The following PDSS1 variants were observed in gnomAD, a reference collection of about 807,000 sequenced individuals.
The protein encoded by PDSS1 is decaprenyl diphosphate synthase subunit 1.
Under a neutral mutation model 57.5 loss-of-function variants are expected in PDSS1, and 43 were observed. The ratio of observed to expected loss-of-function variants is 0.75; its 90% CI spans 0.59 to 0.96. The LOEUF (loss-of-function observed/expected upper bound fraction) is 0.96, where lower values mean the gene tolerates loss of function less well. PDSS1 is among the 50% of genes least tolerant of loss of function. The pLI is 0.00. For synonymous variants in PDSS1, 175 were observed against 191.3 expected (o/e 0.91, Z 0.70); for missense variants, 438 against 527.8 (o/e 0.83, Z 1.67).
chr10:26,742,689 G>C, intron 11 of PDSS1, 112 bp downstream of exon 11: 1 of 721,100 alleles, frequency 1.4e-6, no homozygotes, highest in South Asian at 1.5e-5. Context: ...AGACTGTTTG[G>C]TCAACTCTTG....
intron 4 of PDSS1, among the ~76,000 whole-genome samples, chr10:26,705,771 A>C (rs1835192022): frequency 6.6e-6 from 1 of 152,204 alleles, no homozygotes. Flanking sequence ...GCAGGTTTTC[A>C]GATCTGTACA....
At chr10:26,732,287 C>G (rs1261057608) in intron 8 of PDSS1, among the ~76,000 whole-genome samples, 1 of 152,186 alleles carries the variant, frequency 6.6e-6, no homozygotes, top group African/African-American at 2.4e-5. Flanking sequence ...GGAAGCAGGA[C>G]TCTCTGGCAT....
At chr10:26,745,957 ATTCT>A (rs1203789872) in intron 11 of PDSS1, among the ~76,000 whole-genome samples, 1 of 152,148 alleles carries the variant, frequency 6.6e-6, no homozygotes, top group Middle Eastern at 3.4e-3. Context: ...TTATGTCTTT[ATTCT>A]TTATTTTTTA....
chr10:26,723,050 C>A (rs1026240724), intron 6 of PDSS1, among the ~76,000 whole-genome samples: 7 of 152,062 alleles, frequency 4.6e-5, no homozygotes, highest in African/African-American at 1.4e-4. Flanking sequence ...TGAGATGATT[C>A]CTAGTCTGAG....
chr10:26,725,555 C>T (rs1351148672), intron 8 of PDSS1, among the ~76,000 whole-genome samples: 4 of 151,714 alleles, frequency 2.6e-5, no homozygotes, highest in East Asian at 1.9e-4. Flanking sequence ...AGTATAGACA[C>T]GAGATGCTAA....
At chr10:26,734,536 G>A in intron 8 of PDSS1, 1 of 373,966 alleles carries the variant, frequency 2.7e-6, no homozygotes, top group Admixed American at 3.5e-5. Flanking sequence ...ACTTTCAGAA[G>A]TCTTATTTCT....
intron 10 of PDSS1, chr10:26,740,660 A>G (rs1383844519): frequency 2.2e-6 from 1 of 456,764 alleles, no homozygotes; most frequent in Non-Finnish European, 4.4e-6. Flanking sequence ...CTGCCAGGGA[A>G]AAACTGGCAG....
intron 8 of PDSS1, among the ~76,000 whole-genome samples, chr10:26,728,774 C>T (rs533088175): frequency 8.6e-4 from 73 of 84,562 alleles, no homozygotes; most frequent in African/African-American, 3.2e-3. Context: ...TATTCTGTAT[C>T]TTTTTTTTTT....
intron 8 of PDSS1, among the ~76,000 whole-genome samples, chr10:26,725,864 C>G (rs1835933620): frequency 6.6e-6 from 1 of 152,086 alleles, no homozygotes; most frequent in Non-Finnish European, 1.5e-5. Flanking sequence ...TTGCTTGTGA[C>G]CAGAAGTTCA....
intron 10 of PDSS1, among the ~76,000 whole-genome samples, chr10:26,739,042 TCTTTC>T (rs1338706108): frequency 1.3e-5 from 2 of 152,192 alleles, no homozygotes; most frequent in East Asian, 1.9e-4. Flanking sequence ...AAAAACCAAA[TCTTTC>T]CTTTCTTCTG....
chr10:26,740,403 G>A (rs1260100136), intron 10 of PDSS1, among the ~76,000 whole-genome samples: 2 of 152,158 alleles, frequency 1.3e-5, no homozygotes, highest in Non-Finnish European at 2.9e-5. Context: ...AAAAGACCCA[G>A]TAACTAAAGG....
chr10:26,722,357 T>C (rs1835816336), intron 6 of PDSS1, among the ~76,000 whole-genome samples: 2 of 152,204 alleles, frequency 1.3e-5, no homozygotes, highest in African/African-American at 2.4e-5. Context: ...AGTACCTAAA[T>C]AGTTATGTTA....
chr10:26,717,454 A>G (rs1362396723), intron 5 of PDSS1, among the ~76,000 whole-genome samples: 1 of 152,012 alleles, frequency 6.6e-6, no homozygotes, highest in Non-Finnish European at 1.5e-5. Flanking sequence ...CTGGTCTCGA[A>G]CTCCTGACCT....
chr10:26,698,096 G>T (rs1019913902), intron 1 of PDSS1, among the ~76,000 whole-genome samples: 1 of 152,016 alleles, frequency 6.6e-6, no homozygotes, highest in Non-Finnish European at 1.5e-5. Context: ...GGAGCGTTTT[G>T]GGGGGTGGAG....
chr10:26,742,650 C>A, intron 11 of PDSS1, 73 bp downstream of exon 11: 1 of 839,886 alleles, frequency 1.2e-6, no homozygotes, highest in Non-Finnish European at 2.0e-6. Context: ...AAAAATGTAA[C>A]ATTAACTAAA....
chr10:26,707,059 A>C (rs1245014731), intron 4 of PDSS1, among the ~76,000 whole-genome samples: 1 of 152,166 alleles, frequency 6.6e-6, no homozygotes, highest in Non-Finnish European at 1.5e-5. Context: ...GCATACTTCC[A>C]GGGACTTGCA....
chr10:26,736,256 C>A (rs189505353), intron 10 of PDSS1, among the ~76,000 whole-genome samples: 58 of 152,332 alleles, frequency 3.8e-4, no homozygotes, highest in Admixed American at 1.6e-3. Context: ...CCAGACCCTG[C>A]CACATGGCTT....
At chr10:26,721,666 G>T (rs1156744902) in intron 6 of PDSS1, among the ~76,000 whole-genome samples, 2 of 152,176 alleles carry the variant, frequency 1.3e-5, no homozygotes, top group Non-Finnish European at 1.5e-5. Context: ...GTAACTCTAT[G>T]ACCCATCCCT....
chr10:26,703,446 A>G (rs1835106643), intron 2 of PDSS1, among the ~76,000 whole-genome samples: 1 of 151,560 alleles, frequency 6.6e-6, no homozygotes, highest in African/African-American at 2.4e-5. Flanking sequence ...AGGATTTCTA[A>G]TAATAGTAAC....
Sources: allele counts gnomAD v4.1 joint callset (sites outside exome capture counted in the v4.1 genomes callset), GRCh38; gene constraint gnomAD v4.1.1; transcripts MANE v1.5; gene names NCBI Gene and HGNC (gene_info 2026-07-23, HGNC 2026-07-21).